Variants in CEP112 observed in about 807,000 individuals in gnomAD.
The protein encoded by CEP112 is centrosomal protein 112.
A neutral mutation model predicts 153.0 loss-of-function variants in CEP112; 127 were observed. The ratio of observed to expected loss-of-function variants is 0.83; its 90% CI spans 0.72 to 0.96. The LOEUF (loss-of-function observed/expected upper bound fraction) is 0.96. Ranked by LOEUF, CEP112 falls within the 40% of genes least tolerant of loss-of-function variation. The pLI is 0.00. For missense variants in CEP112, 1,089 were observed against 1,101.2 expected, an observed-to-expected ratio of 0.99 and a Z score of 0.16; for synonymous variants, 358 against 374.4, an observed-to-expected ratio of 0.96 and a Z score of 0.51.
At chr17:66,171,099 T>C (rs750995879) in intron 4 of CEP112, among the ~76,000 whole-genome samples, 1 of 152,112 alleles carries the variant, frequency 6.6e-6, no homozygotes, top group African/African-American at 2.4e-5. Context: ...TACCATATCC[T>C]ACAGGAAGAA....
At chr17:65,944,403 T>C (rs2061589286) in intron 18 of CEP112, among the ~76,000 whole-genome samples, 1 of 152,200 alleles carries the variant, frequency 6.6e-6, no homozygotes, top group Admixed American at 6.5e-5. Flanking sequence ...TACTTCATTA[T>C]TCTACTACTT....
At chr17:65,906,047 A>C (rs1365517594) in intron 19 of CEP112, among the ~76,000 whole-genome samples, 3 of 152,210 alleles carry the variant, frequency 2.0e-5, no homozygotes, top group African/African-American at 7.2e-5. Flanking sequence ...GATAGACTAG[A>C]TAAAGAAAAT....
In CEP112 at chr17:66,129,781, C is replaced by T; in HGVS notation, c.607G>A (p.Asp203Asn). ...CAACTATTAAGGCGAGCTTCAATGTCACTATCATCCAAAGAAACAGGAGAT... is the reference window on the plus strand; with the variant it reads ...CAACTATTAAGGCGAGCTTCAATGTTACTATCATCCAAAGAAACAGGAGAT... Reference protein sequence around the residue: ...KKSPVSLDDSDIEARLNSWNL... With the variant: ...KKSPVSLDDSNIEARLNSWNL... The change falls in exon 6 of 27, where the codon GAC (aspartate) becomes AAC (asparagine). Residue 203 changes from aspartate (D) to asparagine (N), a missense_variant. Physicochemically the swap from Asp to Asn is conservative, Grantham distance 23. Coordinates refer to ENST00000535342, the MANE Select transcript of CEP112 (RefSeq NM_001199165.4). The T allele has an allele frequency of 6.2e-7, 1 of 1,612,356 alleles. No individual in the cohort carries two copies. Among genetic ancestry groups the T allele is most frequent in the Non-Finnish European group, 8.5e-7 (1 of 1,179,288 alleles).
chr17:65,968,668 C>T (rs1022292808), intron 17 of CEP112, among the ~76,000 whole-genome samples: 7 of 152,070 alleles, frequency 4.6e-5, no homozygotes, highest in Admixed American at 2.0e-4. Flanking sequence ...TATTATTTGA[C>T]GTTATTTCTA....
chr17:66,129,658 GAAT>G lies in CEP112; in HGVS notation c.642+85_642+87del, dbSNP rs2070034861. 7.4e-6 allele frequency: 7 copies of G among 949,010 alleles called. No homozygotes were observed. The Admixed American group carries it at 1.6e-4, about 22-fold the overall frequency. 58.8% of individuals were successfully genotyped at this position (949,010 alleles called of 1,614,324 possible). ...ATATGTCTAACATCCAACGTTCACT[GAAT>G]AAAATCAAATTAGTTCAGATATTAT... On this transcript the variant is annotated intron_variant, in intron 6 of 26. Coordinates refer to ENST00000535342, the MANE Select transcript of CEP112 (RefSeq NM_001199165.4).
intron 6 of CEP112, among the ~76,000 whole-genome samples, chr17:66,119,049 T>C (rs1396101559): frequency 6.6e-6 from 1 of 152,096 alleles, no homozygotes; most frequent in African/African-American, 2.4e-5. Context: ...TGCAGGGACA[T>C]GGATGAAGCT....
At chr17:65,863,493 C>T (rs373085201) in intron 20 of CEP112, among the ~76,000 whole-genome samples, 18 of 151,974 alleles carry the variant, frequency 1.2e-4, no homozygotes, top group African/African-American at 3.9e-4. Flanking sequence ...ATGGGCCGGG[C>T]GCGGTGGCTC....
chr17:66,095,301 CAT>C (rs2068297032), intron 8 of CEP112, among the ~76,000 whole-genome samples: 2 of 152,102 alleles, frequency 1.3e-5, no homozygotes, highest in South Asian at 2.1e-4. Flanking sequence ...CACACACACA[CAT>C]ACACACACAC....
At chr17:65,845,974 C>G (rs188496055) in intron 21 of CEP112, among the ~76,000 whole-genome samples, 8 of 152,246 alleles carry the variant, frequency 5.3e-5, no homozygotes, top group Non-Finnish European at 1.0e-4. Flanking sequence ...TCTTTTATAA[C>G]CTTAACATCG....
chr17:66,024,992 C>T (rs1349191995), intron 16 of CEP112, among the ~76,000 whole-genome samples: 1 of 152,150 alleles, frequency 6.6e-6, no homozygotes, highest in Non-Finnish European at 1.5e-5. Context: ...CACATAACTA[C>T]AGCCAAATGA....
At chr17:65,689,304 C>T (rs930892037) in intron 23 of CEP112, 86 bp from the exon 24 acceptor site, 1 of 872,798 alleles carries the variant, frequency 1.1e-6, no homozygotes, top group Non-Finnish European at 1.8e-6. Context: ...CTAAAAAGGC[C>T]TCAGATCTCT....
At chr17:66,019,069 C>T (rs1442285411) in intron 16 of CEP112, among the ~76,000 whole-genome samples, 1 of 152,166 alleles carries the variant, frequency 6.6e-6, no homozygotes, top group African/African-American at 2.4e-5. Context: ...TAAGAGCAGA[C>T]AATAGCCACT....
Position 65,774,080 on chromosome 17 carries a change from C to A in CEP112, c.2395-23356G>T, listed in dbSNP as rs141060525. Among the ~76,000 whole-genome samples, 721 of 119,008 alleles carry A rather than the reference C, an allele frequency of 6.1e-3. 5 individuals carry two copies. Among genetic ancestry groups the A allele is most frequent in the African/African-American group, 0.026 (673 of 26,068 alleles). 78.1% of individuals were successfully genotyped at this position (119,008 alleles called of 152,430 possible). A position where few individuals can be genotyped will look rare whatever the true frequency, so the allele number is the denominator to read the frequency against. ...CCAGCCTGGGTGACAAAGTGAGGCT[C>A]CATCTCAAAAAAAAAAAAAAAGTCC... On this transcript the variant is annotated intron_variant, in intron 21 of 26. Coordinates refer to ENST00000535342, the MANE Select transcript of CEP112 (RefSeq NM_001199165.4).
chr17:65,802,647 A>G (rs1009716410), intron 21 of CEP112, among the ~76,000 whole-genome samples: 2 of 152,120 alleles, frequency 1.3e-5, no homozygotes, highest in African/African-American at 4.8e-5. Flanking sequence ...ATCTTATCAC[A>G]TTATACATAC....
chr17:65,905,966 T>C (rs1187329486), intron 19 of CEP112, among the ~76,000 whole-genome samples: 3 of 150,198 alleles, frequency 2.0e-5, no homozygotes, highest in Admixed American at 2.0e-4. Context: ...AGAAGACACA[T>C]GCACACTTAT....
chr17:66,068,260 C>T (rs1005821624), intron 9 of CEP112, among the ~76,000 whole-genome samples: 3 of 151,982 alleles, frequency 2.0e-5, no homozygotes, highest in African/African-American at 4.8e-5. Flanking sequence ...TTCCCATACA[C>T]CCAAAAGTCA....
intron 1 of CEP112, among the ~76,000 whole-genome samples, chr17:66,189,496 C>A: frequency 8.8e-6 from 1 of 113,732 alleles, no homozygotes; most frequent in African/African-American, 3.2e-5. Context: ...CAGCAAAACT[C>A]TGTCTCAAAA....
chr17:65,656,083 G>A (rs187215364), intron 24 of CEP112, among the ~76,000 whole-genome samples: 1 of 152,244 alleles, frequency 6.6e-6, no homozygotes, highest in East Asian at 1.9e-4. Context: ...AGTATGTGAC[G>A]GGACCCTAAG....
intron 9 of CEP112, among the ~76,000 whole-genome samples, chr17:66,069,249 A>G (rs2067225620): frequency 6.6e-6 from 1 of 152,010 alleles, no homozygotes; most frequent in Non-Finnish European, 1.5e-5. Context: ...ATCAACCTCC[A>G]TGTATTTCAA....
Sources: allele counts gnomAD v4.1 joint callset (sites outside exome capture counted in the v4.1 genomes callset), GRCh38; gene constraint gnomAD v4.1.1; transcripts MANE v1.5; gene names NCBI Gene and HGNC (gene_info 2026-07-23, HGNC 2026-07-21).